The following PTPRG variants were observed in gnomAD, a reference collection of about 807,000 sequenced individuals.
PTPRG encodes the protein receptor-type tyrosine-protein phosphatase gamma.
PTPRG carries 102 observed loss-of-function variants against 165.3 expected under a neutral mutation model. The observed-to-expected ratio is 0.62, with a 90% CI of 0.53 to 0.73. The LOEUF (loss-of-function observed/expected upper bound fraction) is 0.73. PTPRG is among the 30% of genes least tolerant of loss of function. The pLI is 0.00. For missense variants in PTPRG, 1,866 were observed against 1,861.4 expected, an observed-to-expected ratio of 1.00 and a Z score of -0.05; for synonymous variants, 675 against 669.5, an observed-to-expected ratio of 1.01 and a Z score of -0.13.
At chr3:61,855,651 C>CTT (rs35525843) in intron 2 of PTPRG, among the ~76,000 whole-genome samples, 6,529 of 120,210 alleles carry the variant, frequency 0.054, 203 homozygotes, top group South Asian at 0.13. Context: ...AAGGGTAGGC[C>CTT]TTTTTTTTTT....
chr3:62,119,017 A>G (rs1443641896), intron 5 of PTPRG, among the ~76,000 whole-genome samples: 2 of 152,206 alleles, frequency 1.3e-5, no homozygotes, highest in Admixed American at 6.5e-5. Context: ...CCAGCTCTGT[A>G]TTGGCACTAA....
intron 6 of PTPRG, among the ~76,000 whole-genome samples, chr3:62,138,675 C>T (rs944939263): frequency 2.8e-5 from 4 of 142,094 alleles, no homozygotes; most frequent in African/African-American, 5.3e-5. Flanking sequence ...GCTGAGGCTG[C>T]GCCATTGTAC....
At chr3:61,672,794 A>G (rs1575580278) in intron 1 of PTPRG, among the ~76,000 whole-genome samples, 2 of 125,972 alleles carry the variant, frequency 1.6e-5, no homozygotes, top group Admixed American at 7.7e-5. Context: ...AGAGAGAGGG[A>G]GAGAGGGGGA....
intron 2 of PTPRG, among the ~76,000 whole-genome samples, chr3:61,955,472 G>A (rs1476131715): frequency 6.6e-6 from 1 of 152,142 alleles, no homozygotes; most frequent in African/African-American, 2.4e-5. Context: ...GAAAATGTGT[G>A]AGCATCTACA....
chr3:62,218,764 C>T, intron 12 of PTPRG, 87 bp from the exon 13 acceptor site: 1 of 1,484,126 alleles, frequency 6.7e-7, no homozygotes, highest in Non-Finnish European at 9.1e-7. Flanking sequence ...CCAGAAACCA[C>T]ACAAAACTGG....
At chr3:61,823,748 T>G (rs2036024124) in intron 2 of PTPRG, among the ~76,000 whole-genome samples, 1 of 152,210 alleles carries the variant, frequency 6.6e-6, no homozygotes, top group Non-Finnish European at 1.5e-5. Flanking sequence ...CAAGTAGAAA[T>G]CAATAATGTA....
chr3:61,953,553 T>A (rs1559710537), intron 2 of PTPRG, among the ~76,000 whole-genome samples: 1 of 152,160 alleles, frequency 6.6e-6, no homozygotes, highest in Non-Finnish European at 1.5e-5. Context: ...CAATGGCAAT[T>A]AAGCAGTGTA....
At chr3:62,285,010 A>G (rs1190623212) in intron 28 of PTPRG, among the ~76,000 whole-genome samples, 5 of 152,114 alleles carry the variant, frequency 3.3e-5, no homozygotes. Context: ...TTCATCCCAG[A>G]GGTGCTAAGC....
chr3:62,186,057 G>T, intron 8 of PTPRG, among the ~76,000 whole-genome samples: 1 of 152,164 alleles, frequency 6.6e-6, no homozygotes, highest in East Asian at 1.9e-4. Flanking sequence ...AACTTTGGAA[G>T]CACAAGGCAC....
At chr3:61,965,135 G>A (rs1038638935) in intron 2 of PTPRG, among the ~76,000 whole-genome samples, 7 of 151,810 alleles carry the variant, frequency 4.6e-5, no homozygotes, top group South Asian at 2.1e-4. Context: ...TCCCGTCTAC[G>A]TAGGAGTCTG....
intron 2 of PTPRG, among the ~76,000 whole-genome samples, chr3:61,761,242 C>G (rs2033824442): frequency 6.6e-6 from 1 of 152,172 alleles, no homozygotes; most frequent in Non-Finnish European, 1.5e-5. Context: ...TTCTGTTTCT[C>G]TGCAGCCTCT....
At chr3:61,906,805 AGG>A in intron 2 of PTPRG, among the ~76,000 whole-genome samples, 1 of 151,712 alleles carries the variant, frequency 6.6e-6, no homozygotes, top group Admixed American at 6.6e-5. Context: ...GTAGGTAGGT[AGG>A]TAGGTAGGTA....
chr3:62,227,497 C>A (rs190991982), intron 13 of PTPRG, among the ~76,000 whole-genome samples: 2 of 152,346 alleles, frequency 1.3e-5, no homozygotes, highest in African/African-American at 4.8e-5. Flanking sequence ...GGCAAGGAAT[C>A]AGGGACTGCA....
chr3:61,645,586 C>T (rs1004379886), intron 1 of PTPRG, among the ~76,000 whole-genome samples: 2 of 152,214 alleles, frequency 1.3e-5, no homozygotes, highest in South Asian at 2.1e-4. Context: ...AGAGAAGCCT[C>T]GTTGCCTTAA....
intron 1 of PTPRG, among the ~76,000 whole-genome samples, chr3:61,613,387 T>C (rs1701226338): frequency 6.6e-6 from 1 of 152,220 alleles, no homozygotes; most frequent in Admixed American, 6.5e-5. Context: ...CCCTTGTGGC[T>C]CAATCAGCTC....
intron 1 of PTPRG, among the ~76,000 whole-genome samples, chr3:61,591,818 C>T (rs949481988): frequency 2.6e-5 from 4 of 152,078 alleles, no homozygotes; most frequent in African/African-American, 4.8e-5. Context: ...TAGATAGATA[C>T]GGTGCGATTC....
intron 2 of PTPRG, among the ~76,000 whole-genome samples, chr3:61,816,375 CA>C (rs943486181): frequency 1.3e-5 from 2 of 151,734 alleles, no homozygotes; most frequent in African/African-American, 4.8e-5. Flanking sequence ...GCTAAAAATA[CA>C]AAAAAAATTG....
At chr3:61,980,885 A>C (rs890284535) in intron 2 of PTPRG, among the ~76,000 whole-genome samples, 5 of 152,034 alleles carry the variant, frequency 3.3e-5, no homozygotes, top group African/African-American at 4.8e-5. Context: ...TTCACATTCA[A>C]GGGAGGAGGG....
intron 4 of PTPRG, among the ~76,000 whole-genome samples, chr3:62,072,616 T>C (rs1391068060): frequency 1.0e-5 from 1 of 95,912 alleles, no homozygotes; most frequent in Non-Finnish European, 2.0e-5. Context: ...TATATGTGTA[T>C]GTGTGTGTGT....
Sources: gnomAD v4.1 joint callset for allele counts (sites outside exome capture counted in the v4.1 genomes callset) on GRCh38, gnomAD v4.1.1 for gene constraint, MANE v1.5 for transcripts, NCBI Gene and HGNC (gene_info 2026-07-23, HGNC 2026-07-21) for gene names.